Variants in SCMH1 observed in about 807,000 individuals in gnomAD.
SCMH1 encodes the protein Scm polycomb group protein homolog 1, also known as polycomb protein SCMH1.
Under a neutral mutation model 70.8 loss-of-function variants are expected in SCMH1, and 37 were observed. That is an observed-to-expected ratio of 0.52 (90% CI 0.40 to 0.69). The LOEUF is 0.69. Ranked by LOEUF, SCMH1 falls within the 30% of genes least tolerant of loss-of-function variation. The probability of loss-of-function intolerance (pLI) is 0.00; values close to 1 mark genes in which losing one functional copy is unlikely to be tolerated. For missense variants in SCMH1, 607 were observed against 827.3 expected (o/e 0.73, Z 3.27); for synonymous variants, 292 against 307.4 (o/e 0.95, Z 0.52).
chr1:41,227,395 A>G (rs753952541), intron 1 of SCMH1, among the ~76,000 whole-genome samples: 3 of 152,196 alleles, frequency 2.0e-5, no homozygotes, highest in Non-Finnish European at 2.9e-5. Flanking sequence ...TTAATGTAAA[A>G]ATTATATTAT....
intron 9 of SCMH1, among the ~76,000 whole-genome samples, chr1:41,073,473 T>C (rs1158359987): frequency 2.6e-5 from 4 of 152,138 alleles, no homozygotes; most frequent in Admixed American, 6.5e-5. Context: ...AGGTGGGTAA[T>C]GAAGGCAAAA....
At chr1:41,210,472 C>T (rs549255418) in intron 1 of SCMH1, among the ~76,000 whole-genome samples, 5 of 152,176 alleles carry the variant, frequency 3.3e-5, no homozygotes, top group Admixed American at 6.5e-5. Flanking sequence ...TACAAGACTA[C>T]GTAACCAAAA....
intron 10 of SCMH1, among the ~76,000 whole-genome samples, chr1:41,057,561 C>T (rs1348554754): frequency 6.6e-6 from 1 of 151,972 alleles, no homozygotes; most frequent in Non-Finnish European, 1.5e-5. Context: ...TACCATGGTT[C>T]CTTTTACCCA....
chr1:41,058,842 T>A (rs888323909), intron 10 of SCMH1, among the ~76,000 whole-genome samples: 8 of 152,198 alleles, frequency 5.3e-5, no homozygotes, highest in Admixed American at 5.2e-4. Flanking sequence ...TATGCAGACA[T>A]CTCTGGGTTG....
intron 10 of SCMH1, among the ~76,000 whole-genome samples, chr1:41,063,591 AAAAC>A (rs963816013): frequency 1.3e-4 from 20 of 152,020 alleles, no homozygotes; most frequent in African/African-American, 2.7e-4. Flanking sequence ...ACAAAAAAAC[AAAAC>A]AAACAACCAG....
At chr1:41,041,219 C>CGA (rs1197361885) in intron 12 of SCMH1, 1 of 151,930 alleles carries the variant, frequency 6.6e-6, no homozygotes, top group Non-Finnish European at 1.5e-5. Context: ...GTTTACATCA[C>CGA]TCTCAGTGTT....
rs1473111925 is a variant in SCMH1, at chr1:41,185,250, A to C, written c.13+871T>G. Among the ~76,000 whole-genome samples, 4 of 152,094 alleles carry C rather than the reference A, an allele frequency of 2.6e-5. No homozygotes were observed. In the South Asian group the frequency reaches 8.3e-4, roughly 32 times the overall value. On this transcript the variant is annotated intron_variant, in intron 2 of 14. Transcript: ENST00000337495. The stretch of plus-strand genomic sequence containing the variant: ...TAAGGATTAAAAAAAACAACAAGGC[A>C]CCCTCTCTTAGTCTAGAAGACAGAG...
intron 1 of SCMH1, among the ~76,000 whole-genome samples, chr1:41,230,387 C>G (rs1382970170): frequency 6.6e-6 from 1 of 152,102 alleles, no homozygotes; most frequent in East Asian, 1.9e-4. Flanking sequence ...AAATGATTCC[C>G]AGCCAGGCAC....
intron 4 of SCMH1, chr1:41,152,819 A>G: frequency 7.4e-7 from 1 of 1,344,906 alleles, no homozygotes; most frequent in Non-Finnish European, 9.9e-7. Context: ...CACTCTATTT[A>G]TTTTATAGCT....
At chr1:41,087,127 C>T (rs533016300) in intron 8 of SCMH1, among the ~76,000 whole-genome samples, 1 of 152,026 alleles carries the variant, frequency 6.6e-6, no homozygotes, top group East Asian at 1.9e-4. Context: ...ATTACTAGGG[C>T]AAAGATGAAG....
chr1:41,213,552 G>C (rs1657487492), intron 1 of SCMH1, among the ~76,000 whole-genome samples: 1 of 152,042 alleles, frequency 6.6e-6, no homozygotes, highest in South Asian at 2.1e-4. Flanking sequence ...CAGGTTCCTA[G>C]AGGAAAGGAG....
At chr1:41,153,014 GAATTT>G (rs1264734165) in intron 4 of SCMH1, among the ~76,000 whole-genome samples, 17 of 152,346 alleles carry the variant, frequency 1.1e-4, no homozygotes, top group Non-Finnish European at 2.2e-4. Context: ...GGCGTTATCA[GAATTT>G]AATGAAGAGT....
chr1:41,057,753 G>A (rs564276440), intron 10 of SCMH1, among the ~76,000 whole-genome samples: 1 of 152,254 alleles, frequency 6.6e-6, no homozygotes, highest in African/African-American at 2.4e-5. Flanking sequence ...TGCAAGAACA[G>A]ATGGGCAGTG....
intron 6 of SCMH1, among the ~76,000 whole-genome samples, chr1:41,140,583 A>G (rs1572532918): frequency 6.6e-6 from 1 of 152,004 alleles, no homozygotes; most frequent in Non-Finnish European, 1.5e-5. Flanking sequence ...GAGCCACTGC[A>G]CCCAGCCAAT....
intron 1 of SCMH1, among the ~76,000 whole-genome samples, chr1:41,231,983 C>T (rs1661394768): frequency 6.7e-6 from 1 of 148,528 alleles, no homozygotes; most frequent in South Asian, 2.1e-4. Flanking sequence ...AGATCTCACA[C>T]ACCGCACACC....
At chr1:41,099,665 GA>G (rs1666046945) in intron 8 of SCMH1, among the ~76,000 whole-genome samples, 1 of 152,182 alleles carries the variant, frequency 6.6e-6, no homozygotes, top group Non-Finnish European at 1.5e-5. Context: ...GATAAAGTTT[GA>G]GAATGTGGAT....
chr1:41,090,177 AGTT>A (rs1386029296), intron 8 of SCMH1, among the ~76,000 whole-genome samples: 2 of 152,280 alleles, frequency 1.3e-5, no homozygotes, highest in East Asian at 3.9e-4. Flanking sequence ...GTCCACAAAG[AGTT>A]GTTATGTGTT....
At chr1:41,140,949 G>A (rs1457489837) in intron 6 of SCMH1, among the ~76,000 whole-genome samples, 5 of 152,182 alleles carry the variant, frequency 3.3e-5, no homozygotes, top group African/African-American at 1.2e-4. Flanking sequence ...CAACAAATAT[G>A]TATGAAGTTT....
chr1:41,163,203 C>T (rs1244709216), intron 2 of SCMH1, among the ~76,000 whole-genome samples: 1 of 147,322 alleles, frequency 6.8e-6, no homozygotes, highest in Non-Finnish European at 1.5e-5. Flanking sequence ...GGTCCAGCTG[C>T]AGCCTCACAG....
Sources: gnomAD v4.1 joint callset for allele counts (sites outside exome capture counted in the v4.1 genomes callset) on GRCh38, gnomAD v4.1.1 for gene constraint, MANE v1.5 for transcripts, NCBI Gene and HGNC (gene_info 2026-07-23, HGNC 2026-07-21) for gene names.